The following TANGO6 variants were observed in gnomAD, a reference collection of about 807,000 sequenced individuals.
The protein encoded by TANGO6 is transport and golgi organization 6 homolog, also known as transport and Golgi organization protein 6 homolog.
In TANGO6, 90 loss-of-function variants were observed where a neutral mutation model predicts 114.2. The observed-to-expected ratio is 0.79, with a 90% confidence interval of 0.66 to 0.94. The LOEUF is 0.94. Ranked by LOEUF, TANGO6 falls within the 40% of genes least tolerant of loss-of-function variation. The pLI, the probability that TANGO6 is intolerant of heterozygous loss-of-function variation, is 0.00. For synonymous variants in TANGO6, 477 were observed against 509.8 expected, an observed-to-expected ratio of 0.94 and a Z score of 0.87; for missense variants, 1,274 against 1,315.3, an observed-to-expected ratio of 0.97 and a Z score of 0.49.
intron 17 of TANGO6, among the ~76,000 whole-genome samples, chr16:69,050,285 A>G (rs1236585717): frequency 6.6e-6 from 1 of 152,088 alleles, no homozygotes; most frequent in East Asian, 1.9e-4. Flanking sequence ...ATGAACTCCT[A>G]TGATAAGGTT....
intron 5 of TANGO6, among the ~76,000 whole-genome samples, chr16:68,875,901 A>G (rs1191816777): frequency 6.6e-6 from 1 of 152,206 alleles, no homozygotes; most frequent in Admixed American, 6.5e-5. Flanking sequence ...TTAGTTTTTA[A>G]AGGCAGATAT....
intron 12 of TANGO6, 31 bp downstream of exon 12, chr16:68,919,250 G>A: frequency 1.2e-6 from 2 of 1,604,640 alleles, no homozygotes; most frequent in South Asian, 1.1e-5. Context: ...AAGCTTGAAT[G>A]GAGGGAAGGG....
intron 17 of TANGO6, among the ~76,000 whole-genome samples, chr16:69,054,579 T>TTAAA (rs1960003672): frequency 6.6e-6 from 1 of 152,088 alleles, no homozygotes; most frequent in African/African-American, 2.4e-5. Flanking sequence ...ATACAATATA[T>TTAAA]TATCCTGGGC....
intron 7 of TANGO6, among the ~76,000 whole-genome samples, chr16:68,886,530 C>T (rs1340330411): frequency 1.3e-5 from 2 of 151,496 alleles, no homozygotes; most frequent in Non-Finnish European, 2.9e-5. Flanking sequence ...TTTTTTGAGA[C>T]AGAGTTTTGC....
intron 7 of TANGO6, among the ~76,000 whole-genome samples, chr16:68,883,822 G>A (rs1172082067): frequency 6.6e-6 from 1 of 152,156 alleles, no homozygotes; most frequent in Non-Finnish European, 1.5e-5. Context: ...AGATAAGAAG[G>A]CAGATGCTTT....
intron 17 of TANGO6, among the ~76,000 whole-genome samples, chr16:69,055,910 G>C (rs1006014342): frequency 6.6e-6 from 1 of 152,086 alleles, no homozygotes; most frequent in African/African-American, 2.4e-5. Context: ...GTGGTGGTGG[G>C]CGTCTGTAAT....
chr16:68,990,971 G>A (rs189090638), intron 15 of TANGO6, among the ~76,000 whole-genome samples: 2 of 152,252 alleles, frequency 1.3e-5, no homozygotes, highest in African/African-American at 4.8e-5. Flanking sequence ...TGTTGTTGGG[G>A]CAAGAGATGA....
intron 17 of TANGO6, among the ~76,000 whole-genome samples, chr16:69,050,209 TC>T (rs1365963832): frequency 2.0e-5 from 3 of 152,208 alleles, no homozygotes; most frequent in Non-Finnish European, 4.4e-5. Context: ...GCATGAGGTT[TC>T]CAAATTCTCC....
At chr16:68,855,944 C>CT (rs1174235724) in intron 1 of TANGO6, among the ~76,000 whole-genome samples, 4 of 150,578 alleles carry the variant, frequency 2.7e-5, no homozygotes, top group Admixed American at 1.3e-4. Context: ...AATAAAATGT[C>CT]TTTTTTTGTT....
chr16:68,897,236 T>G (rs1329688408), intron 7 of TANGO6, among the ~76,000 whole-genome samples: 1 of 152,162 alleles, frequency 6.6e-6, no homozygotes, highest in South Asian at 2.1e-4. Flanking sequence ...TCTTTCTCTT[T>G]CTGCATGCTC....
intron 11 of TANGO6, among the ~76,000 whole-genome samples, chr16:68,917,368 A>G (rs1422038543): frequency 6.6e-6 from 1 of 152,166 alleles, no homozygotes; most frequent in Non-Finnish European, 1.5e-5. Flanking sequence ...ATAAACAACC[A>G]TGTGCAGGTT....
intron 15 of TANGO6, among the ~76,000 whole-genome samples, chr16:69,020,478 A>G (rs774490388): frequency 6.6e-6 from 1 of 152,246 alleles, no homozygotes; most frequent in Non-Finnish European, 1.5e-5. Flanking sequence ...CGACTTAAGC[A>G]CAAAGTATTG....
In TANGO6 at chr16:68,911,447, A is replaced by G. The variant is rs550715551; in HGVS notation, c.1992+2045A>G. ...TTTTTTTTTTTTGAGACTGAATGTG[A>G]CTCTGTCGGCCCAGGCTGGAGTGCA... On this transcript the variant is annotated intron_variant, in intron 11 of 17. Coordinates refer to ENST00000261778, the MANE Select transcript of TANGO6 (RefSeq NM_024562.2). Among the ~76,000 whole-genome samples, 9 of 129,822 alleles carry G rather than the reference A, an allele frequency of 6.9e-5. No individual in the cohort carries two copies. In the East Asian group the frequency reaches 1.6e-3, roughly 23 times the overall value. The allele number at this position is 129,822 out of a possible 152,430, so 85.2% of individuals were successfully genotyped here. A position where few individuals can be genotyped will look rare whatever the true frequency, so the allele number is the denominator to read the frequency against.
At chr16:68,899,641 C>T (rs1348583214) in intron 7 of TANGO6, among the ~76,000 whole-genome samples, 2 of 151,846 alleles carry the variant, frequency 1.3e-5, no homozygotes, top group Non-Finnish European at 2.9e-5. Flanking sequence ...ACTCTGTCAC[C>T]CAGGCTGGAG....
At chr16:68,857,192 T>G (rs1259493766) in intron 1 of TANGO6, among the ~76,000 whole-genome samples, 1 of 152,184 alleles carries the variant, frequency 6.6e-6, no homozygotes, top group Non-Finnish European at 1.5e-5. Flanking sequence ...CTCCTGATCT[T>G]TTTACTGTCT....
chr16:68,991,806 C>G (rs1963948252), intron 15 of TANGO6, among the ~76,000 whole-genome samples: 2 of 152,070 alleles, frequency 1.3e-5, no homozygotes, highest in Admixed American at 6.5e-5. Flanking sequence ...GCCCGGGTGA[C>G]AGAGCAAGAC....
At chr16:68,875,554 G>A (rs998494927) in intron 5 of TANGO6, among the ~76,000 whole-genome samples, 1 of 152,232 alleles carries the variant, frequency 6.6e-6, no homozygotes, top group East Asian at 1.9e-4. Flanking sequence ...ATCACCTGAG[G>A]TCGGGAGTTC....
At chr16:68,958,040 C>T (rs1441624756) in intron 14 of TANGO6, among the ~76,000 whole-genome samples, 1 of 151,722 alleles carries the variant, frequency 6.6e-6, no homozygotes, top group East Asian at 1.9e-4. Flanking sequence ...GGTGCAGTGG[C>T]AGTCCCCTGT....
intron 1 of TANGO6, among the ~76,000 whole-genome samples, chr16:68,851,545 G>A (rs1231622269): frequency 4.6e-5 from 7 of 152,170 alleles, no homozygotes; most frequent in African/African-American, 1.2e-4. Context: ...TAGCTGCATA[G>A]TTTATTCAAC....
Sources: gnomAD v4.1 joint callset for allele counts (sites outside exome capture counted in the v4.1 genomes callset) on GRCh38, gnomAD v4.1.1 for gene constraint, MANE v1.5 for transcripts, NCBI Gene and HGNC (gene_info 2026-07-23, HGNC 2026-07-21) for gene names.